Variants in GNG4 observed in about 807,000 individuals in gnomAD.
GNG4 encodes G protein subunit gamma 4.
A neutral mutation model predicts 5.8 loss-of-function variants in GNG4; 4 were observed. The observed-to-expected ratio is 0.69, with a 90% confidence interval of 0.34 to 1.57. GNG4 has a LOEUF of 1.57. Ranked by LOEUF, GNG4 falls within the 40% of genes most tolerant of loss-of-function variation. The pLI is 0.06. For missense variants in GNG4, 96 were observed against 95.1 expected, an observed-to-expected ratio of 1.01 and a Z score of -0.04; for synonymous variants, 29 against 32.9, an observed-to-expected ratio of 0.88 and a Z score of 0.41.
At chr1:235,646,048 G>C (rs113074067) in intron 1 of GNG4, among the ~76,000 whole-genome samples, 2 of 152,096 alleles carry the variant, frequency 1.3e-5, no homozygotes, top group African/African-American at 4.8e-5. Context: ...TCATGCACAG[G>C]GGGTGTTGGG....
At chr1:235,632,480 A>G (rs1688951351) in intron 1 of GNG4, among the ~76,000 whole-genome samples, 1 of 152,244 alleles carries the variant, frequency 6.6e-6, no homozygotes, top group South Asian at 2.1e-4. Flanking sequence ...ACAAGTACAA[A>G]CAGAGAAGTG....
chr1:235,557,141 C>A (rs904163783), intron 3 of GNG4, among the ~76,000 whole-genome samples: 1 of 150,892 alleles, frequency 6.6e-6, no homozygotes, highest in African/African-American at 2.4e-5. Flanking sequence ...CGGTTGGGGA[C>A]CCGTTTTATA....
At chr1:235,575,602 T>C (rs1687464596) in intron 3 of GNG4, among the ~76,000 whole-genome samples, 1 of 152,206 alleles carries the variant, frequency 6.6e-6, no homozygotes, top group African/African-American at 2.4e-5. Flanking sequence ...ACCCCACGGA[T>C]GTTGAAATTA....
intron 3 of GNG4, among the ~76,000 whole-genome samples, chr1:235,559,032 C>G (rs981490070): frequency 6.6e-6 from 1 of 152,204 alleles, no homozygotes; most frequent in Non-Finnish European, 1.5e-5. Flanking sequence ...CATTCCATGA[C>G]AAGACAGATG....
chr1:235,594,200 G>A (rs551489034), intron 2 of GNG4, among the ~76,000 whole-genome samples: 5 of 152,288 alleles, frequency 3.3e-5, no homozygotes, highest in South Asian at 2.1e-4. Context: ...ACAGAGTGTC[G>A]ATTGATGCAT....
At chr1:235,610,067 C>T (rs1688448319) in intron 1 of GNG4, among the ~76,000 whole-genome samples, 1 of 152,130 alleles carries the variant, frequency 6.6e-6, no homozygotes, top group African/African-American at 2.4e-5. Context: ...TCAAATGCAC[C>T]AGTAATGCCC....
At chr1:235,623,290 G>T (rs1257024126) in intron 1 of GNG4, among the ~76,000 whole-genome samples, 1 of 152,154 alleles carries the variant, frequency 6.6e-6, no homozygotes, top group Non-Finnish European at 1.5e-5. Context: ...CCTTTCCCCA[G>T]TTCCTCTCGC....
intron 1 of GNG4, among the ~76,000 whole-genome samples, chr1:235,611,524 G>A (rs951615726): frequency 1.3e-5 from 2 of 152,138 alleles, no homozygotes; most frequent in Non-Finnish European, 2.9e-5. Context: ...GGAAGTCAGT[G>A]AGTAGATTTG....
chr1:235,632,956 C>G (rs1024359302), intron 1 of GNG4, among the ~76,000 whole-genome samples: 1 of 152,174 alleles, frequency 6.6e-6, no homozygotes, highest in South Asian at 2.1e-4. Context: ...CTGTCACCCA[C>G]GGACACTGCT....
At chr1:235,565,246 A>G (rs1687165903) in intron 3 of GNG4, among the ~76,000 whole-genome samples, 1 of 152,014 alleles carries the variant, frequency 6.6e-6, no homozygotes, top group Non-Finnish European at 1.5e-5. Flanking sequence ...CATGCCTGTA[A>G]TCCCAGCAAT....
chr1:235,615,692 A>T (rs910982968), intron 1 of GNG4: 12 of 218,452 alleles, frequency 5.5e-5, no homozygotes, highest in Non-Finnish European at 1.0e-4. Flanking sequence ...GAAAATGAAC[A>T]TCACATAGAC....
At chr1:235,571,011 G>A (rs2988743) in intron 3 of GNG4, among the ~76,000 whole-genome samples, 97,728 of 142,758 alleles carry the variant, frequency 0.68, 33,692 homozygotes, top group East Asian at 0.88. Context: ...ATGTTGCCTA[G>A]GCTGGTTTCA....
chr1:235,594,237 G>A (rs1688067667), intron 2 of GNG4, among the ~76,000 whole-genome samples: 1 of 152,154 alleles, frequency 6.6e-6, no homozygotes, highest in African/African-American at 2.4e-5. Context: ...CCCTGAGCTA[G>A]ACACAGGGTG....
At chr1:235,616,968 G>A (rs1045237346) in intron 1 of GNG4, among the ~76,000 whole-genome samples, 1 of 144,152 alleles carries the variant, frequency 6.9e-6, no homozygotes, top group Admixed American at 7.3e-5. Context: ...GGCTGGTCTC[G>A]AACTCCTGAC....
At chr1:235,597,161 T>C (rs1369518298) in intron 1 of GNG4, among the ~76,000 whole-genome samples, 1 of 152,200 alleles carries the variant, frequency 6.6e-6, no homozygotes, top group African/African-American at 2.4e-5. Flanking sequence ...GGGTAATGAG[T>C]TCATTCCCCA....
At chr1:235,615,106 A>T (rs2102971811) in intron 1 of GNG4, 1 of 152,238 alleles carries the variant, frequency 6.6e-6, no homozygotes, top group East Asian at 1.9e-4. Context: ...CGAAGAGGGG[A>T]GGCTGAGCAC....
intron 1 of GNG4, among the ~76,000 whole-genome samples, chr1:235,626,958 CAA>C (rs776506587): frequency 9.3e-4 from 72 of 77,352 alleles, no homozygotes; most frequent in Admixed American, 1.3e-3. Context: ...GACTCTATCT[CAA>C]AAAAAAAAAA....
In GNG4 at chr1:235,551,953, C is replaced by T; in HGVS notation, c.*156G>A. Reference sequence around the variant, plus strand: ...AAAAGGAAAAAAATGAAATTGAATGCCACGAAGAAAACAGATGGAAACATA... The same window carrying T: ...AAAAGGAAAAAAATGAAATTGAATGTCACGAAGAAAACAGATGGAAACATA... On this transcript the variant is annotated 3_prime_UTR_variant, in exon 4 of 4. Coordinates refer to ENST00000391854, the MANE Select transcript of GNG4 (RefSeq NM_001098722.2). The T allele has an allele frequency of 1.9e-6, 1 of 538,218 alleles. No individual in the cohort carries two copies. The highest frequency in any genetic ancestry group is 3.3e-6 in the Non-Finnish European group (1 of 298,890). 33.3% of individuals were successfully genotyped at this position (538,218 alleles called of 1,614,324 possible). A position where few individuals can be genotyped will look rare whatever the true frequency, so the allele number is the denominator to read the frequency against.
intron 1 of GNG4, among the ~76,000 whole-genome samples, chr1:235,618,592 A>T (rs1688645118): frequency 6.6e-6 from 1 of 151,996 alleles, no homozygotes; most frequent in Non-Finnish European, 1.5e-5. Flanking sequence ...TGTGTTCACA[A>T]ACTGATTCGT....
Sources: gnomAD v4.1 joint callset for allele counts (sites outside exome capture counted in the v4.1 genomes callset) on GRCh38, gnomAD v4.1.1 for gene constraint, MANE v1.5 for transcripts, NCBI Gene and HGNC (gene_info 2026-07-23, HGNC 2026-07-21) for gene names.